The following SUSD4 variants were observed in gnomAD, a reference collection of about 807,000 sequenced individuals.
SUSD4 encodes sushi domain-containing protein 4.
SUSD4 carries 41 observed loss-of-function variants against 50.5 expected under a neutral mutation model. That is an observed-to-expected ratio of 0.81 (90% CI 0.63 to 1.05). SUSD4 has a LOEUF of 1.05. Ranked by LOEUF, SUSD4 falls within the 50% of genes least tolerant of loss-of-function variation. The pLI, the probability that SUSD4 is intolerant of heterozygous loss-of-function variation, is 0.00. For synonymous variants in SUSD4, 257 were observed against 257.3 expected (o/e 1.00, Z 0.01); for missense variants, 580 against 634.7 (o/e 0.91, Z 0.93).
At chr1:223,286,168 T>C (rs933232766) in intron 3 of SUSD4, among the ~76,000 whole-genome samples, 10 of 152,086 alleles carry the variant, frequency 6.6e-5, no homozygotes, top group African/African-American at 2.4e-4. Flanking sequence ...CAGGCTGGAG[T>C]GCAGTGGCGC....
chr1:223,344,458 T>C (rs1030447513), intron 2 of SUSD4, among the ~76,000 whole-genome samples: 3 of 152,094 alleles, frequency 2.0e-5, no homozygotes, highest in Admixed American at 6.5e-5. Context: ...TGGGGTCTCC[T>C]TTCTTGAGAA....
At chr1:223,322,220 T>C (rs1342837347) in intron 2 of SUSD4, among the ~76,000 whole-genome samples, 2 of 152,244 alleles carry the variant, frequency 1.3e-5, no homozygotes, top group African/African-American at 4.8e-5. Context: ...GAGTCACAGG[T>C]ACTGCTCAGC....
At chr1:223,252,236 A>AAAAAAAAATAT (rs1343732568) in intron 5 of SUSD4, among the ~76,000 whole-genome samples, 1 of 89,728 alleles carries the variant, frequency 1.1e-5, no homozygotes, top group African/African-American at 4.1e-5. Context: ...AAAAAAAAAA[A>AAAAAAAAATAT]ATATATATAT....
At chr1:223,275,305 C>G (rs1029154606) in intron 3 of SUSD4, among the ~76,000 whole-genome samples, 1 of 152,180 alleles carries the variant, frequency 6.6e-6, no homozygotes, top group Non-Finnish European at 1.5e-5. Flanking sequence ...GGGTTTGATT[C>G]AGAGTTTTGT....
intron 3 of SUSD4, among the ~76,000 whole-genome samples, chr1:223,270,638 C>A (rs568062498): frequency 6.6e-6 from 1 of 152,084 alleles, no homozygotes; most frequent in Non-Finnish European, 1.5e-5. Context: ...GGCATAATCT[C>A]AGCTCACTGC....
At chr1:223,269,334 TAGG>T (rs1344217557) in intron 3 of SUSD4, among the ~76,000 whole-genome samples, 2 of 152,122 alleles carry the variant, frequency 1.3e-5, no homozygotes, top group Non-Finnish European at 2.9e-5. Context: ...GGCACGTTTA[TAGG>T]AGAAGAGGCA....
At chr1:223,235,153 T>G in intron 5 of SUSD4, 2 of 1,519,240 alleles carry the variant, frequency 1.3e-6, no homozygotes, top group Non-Finnish European at 1.8e-6. Flanking sequence ...TTCTCTTGAT[T>G]GAAAAAAAAA....
intron 3 of SUSD4, among the ~76,000 whole-genome samples, chr1:223,274,571 T>C (rs1663133517): frequency 6.6e-6 from 1 of 152,374 alleles, no homozygotes; most frequent in South Asian, 2.1e-4. Flanking sequence ...GAAAAGTTAT[T>C]ATAATAAGCA....
chr1:223,322,340 T>C (rs185215914), intron 2 of SUSD4, among the ~76,000 whole-genome samples: 4 of 152,368 alleles, frequency 2.6e-5, no homozygotes, highest in Admixed American at 2.6e-4. Flanking sequence ...CACAGACCTC[T>C]TGAATTCTGT....
intron 2 of SUSD4, among the ~76,000 whole-genome samples, chr1:223,325,110 G>A (rs551260999): frequency 1.2e-4 from 18 of 152,108 alleles, no homozygotes; most frequent in Non-Finnish European, 1.9e-4. Context: ...GGACTGGAAC[G>A]AAAGCCAGTT....
In SUSD4 at chr1:223,306,721, G is replaced by A. The variant is rs1175083765; in HGVS notation, c.149-14070C>T. Among the ~76,000 whole-genome samples, 4 of 152,276 alleles carry A rather than the reference G, an allele frequency of 2.6e-5. No individual in the cohort carries two copies. The East Asian group carries it at 7.7e-4, about 29-fold the overall frequency. ...TTGCCCAAGCTGGTCTTGAACTCCT[G>A]AGCACAAGCGATCTGCCCATCTTGG... On this transcript the variant is annotated intron_variant, in intron 2 of 8. Coordinates refer to ENST00000366878, the MANE Select transcript of SUSD4 (RefSeq NM_017982.4).
At chr1:223,271,961 T>A (rs1388783392) in intron 3 of SUSD4, among the ~76,000 whole-genome samples, 1 of 152,222 alleles carries the variant, frequency 6.6e-6, no homozygotes, top group Admixed American at 6.5e-5. Flanking sequence ...GGCAGGTGGC[T>A]CACCCCTATA....
chr1:223,263,663 T>A (rs907378488), intron 5 of SUSD4: 1 of 985,072 alleles, frequency 1.0e-6, no homozygotes, highest in Admixed American at 6.2e-5. Flanking sequence ...CCAACCCCAC[T>A]CCACATCCCT....
At chr1:223,281,856 C>A (rs2103118127) in intron 3 of SUSD4, among the ~76,000 whole-genome samples, 1 of 152,250 alleles carries the variant, frequency 6.6e-6, no homozygotes, top group Admixed American at 6.5e-5. Flanking sequence ...ACTGGCAAAC[C>A]AAATCCAGCA....
chr1:223,227,771 C>T lies in SUSD4; in HGVS notation c.917-33G>A. 6.3e-7 allele frequency: 1 copy of T among 1,578,976 alleles called. No individual in the cohort carries two copies. The highest frequency in any genetic ancestry group is 8.6e-7 in the Non-Finnish European group (1 of 1,157,658). The stretch of plus-strand genomic sequence containing the variant: ...AGGGAGAACAAAGCTGTACGTGAGG[C>T]TCCCAGACCATGAGAGGTGCCGAGG... On this transcript the variant is annotated intron_variant, in intron 6 of 8. Transcript: ENST00000366878. The surrounding 1 kb of genome is among the most constrained non-coding windows in gnomAD (Gnocchi z 4.5).
At chr1:223,313,307 G>C (rs1037128735) in intron 2 of SUSD4, among the ~76,000 whole-genome samples, 4 of 152,100 alleles carry the variant, frequency 2.6e-5, no homozygotes, top group Non-Finnish European at 5.9e-5. Context: ...CTATGTAATG[G>C]AGCCTTGGTA....
At chr1:223,260,292 C>A (rs1662012130) in intron 5 of SUSD4, among the ~76,000 whole-genome samples, 1 of 152,230 alleles carries the variant, frequency 6.6e-6, no homozygotes, top group Admixed American at 6.5e-5. Flanking sequence ...CTTTGTAATT[C>A]CCCAGTGCCC....
intron 2 of SUSD4, among the ~76,000 whole-genome samples, chr1:223,317,834 C>CTTTTTTTTTTTTTTTCCTTT (rs1666297096): frequency 4.0e-4 from 32 of 80,142 alleles, no homozygotes; most frequent in African/African-American, 6.8e-4. Flanking sequence ...GCTTGCCCTT[C>CTTTTTTTTTTTTTTTCCTTT]TTTTTTTTTT....
chr1:223,328,613 C>T (rs1307227597), intron 2 of SUSD4, among the ~76,000 whole-genome samples: 1 of 152,200 alleles, frequency 6.6e-6, no homozygotes, highest in African/African-American at 2.4e-5. Context: ...CTCGCTGTTG[C>T]CTCTGCCGCT....
Sources: allele counts gnomAD v4.1 joint callset (sites outside exome capture counted in the v4.1 genomes callset), GRCh38; gene constraint gnomAD v4.1.1; non-coding constraint Gnocchi (gnomAD v3.1); transcripts MANE v1.5; gene names NCBI Gene and HGNC (gene_info 2026-07-23, HGNC 2026-07-21).